Variants in EVC2 observed in about 807,000 individuals in gnomAD.
The protein encoded by EVC2 is limbin.
A neutral mutation model predicts 149.3 loss-of-function variants in EVC2; 148 were observed. The ratio of observed to expected loss-of-function variants is 0.99; its 90% CI spans 0.87 to 1.14. The LOEUF (loss-of-function observed/expected upper bound fraction) is 1.14, where lower values mean the gene tolerates loss of function less well. Among genes scored for constraint, EVC2 ranks in the 50% most tolerant of loss-of-function variants. EVC2 has a pLI of 0.00. For missense variants in EVC2, 1,854 were observed against 1,627.3 expected (o/e 1.14, Z -2.40); for synonymous variants, 776 against 649.9 (o/e 1.19, Z -2.95).
intron 16 of EVC2, among the ~76,000 whole-genome samples, chr4:5,594,764 A>G (rs571927111): frequency 2.6e-5 from 4 of 152,206 alleles, no homozygotes; most frequent in African/African-American, 9.7e-5. Context: ...AGACGATCAA[A>G]CTACTCCAAG....
chr4:5,628,276 G>A (rs141776102), intron 12 of EVC2, among the ~76,000 whole-genome samples: 98 of 151,984 alleles, frequency 6.4e-4, no homozygotes, highest in African/African-American at 2.2e-3. Flanking sequence ...TAGGTCATGA[G>A]GGATCCACCC....
At chr4:5,610,794 C>CTTTTTTTTT (rs10690279) in intron 16 of EVC2, among the ~76,000 whole-genome samples, 6 of 126,500 alleles carry the variant, frequency 4.7e-5, no homozygotes, top group African/African-American at 9.2e-5. Flanking sequence ...TTTTCCTTTT[C>CTTTTTTTTT]TTTTTTTTTT....
At chr4:5,638,152 G>A (rs941897960) in intron 10 of EVC2, among the ~76,000 whole-genome samples, 3 of 152,088 alleles carry the variant, frequency 2.0e-5, no homozygotes, top group Non-Finnish European at 4.4e-5. Context: ...ACTTTGGGAG[G>A]CCAAGGTGGG....
chr4:5,661,426 G>A (rs1408207821), intron 9 of EVC2, among the ~76,000 whole-genome samples: 3 of 152,114 alleles, frequency 2.0e-5, no homozygotes. Flanking sequence ...CCTATACAAT[G>A]TCTAGCACAT....
intron 17 of EVC2, among the ~76,000 whole-genome samples, chr4:5,580,567 C>G (rs1711668132): frequency 6.6e-6 from 1 of 152,200 alleles, no homozygotes; most frequent in African/African-American, 2.4e-5. Context: ...GAATCATGCA[C>G]TGGAGGCTAA....
intron 9 of EVC2, among the ~76,000 whole-genome samples, chr4:5,642,319 T>C (rs377336819): frequency 7.2e-5 from 11 of 152,340 alleles, no homozygotes; most frequent in South Asian, 2.1e-4. Context: ...TTTCTATGCA[T>C]ATTTTTTTCA....
Position 5,620,237 on chromosome 4 carries a change from C to T in EVC2, c.2502-1555G>A, listed in dbSNP as rs1237928060. ...TGCAAGGCCTTTGCCCCGCTGTTTG[C>T]TGATTACGCCGAATCCAAAGTGAAA... On this transcript the variant is annotated intron_variant, in intron 14 of 21. Coordinates refer to ENST00000344408, the MANE Select transcript of EVC2 (RefSeq NM_147127.5). Among the ~76,000 whole-genome samples, 3 of 152,202 alleles carry T rather than the reference C, an allele frequency of 2.0e-5. No individual in the cohort carries two copies. In the East Asian group the frequency reaches 5.8e-4, roughly 29 times the overall value.
intron 16 of EVC2, among the ~76,000 whole-genome samples, chr4:5,594,023 T>C (rs13139999): frequency 0.33 from 49,770 of 151,566 alleles, 9,216 homozygotes; most frequent in South Asian, 0.45. Flanking sequence ...GGGGGAGGGG[T>C]GCCCGCCATT....
chr4:5,651,314 A>G (rs1718129587), intron 9 of EVC2, among the ~76,000 whole-genome samples: 1 of 151,718 alleles, frequency 6.6e-6, no homozygotes, highest in Non-Finnish European at 1.5e-5. Flanking sequence ...TGAATGGGCA[A>G]ATTGATAGAT....
intron 19 of EVC2, among the ~76,000 whole-genome samples, chr4:5,571,907 G>A (rs1722666886): frequency 6.6e-6 from 1 of 152,270 alleles, no homozygotes; most frequent in African/African-American, 2.4e-5. Context: ...GAACAAGAAG[G>A]CTGACCAGTC....
chr4:5,709,438 G>A (rs151038708), upstream of EVC2: 6 of 152,336 alleles, frequency 3.9e-5, no homozygotes, highest in African/African-American at 9.6e-5. Flanking sequence ...TCAGGCCAGC[G>A]AGCCTGGCCC....
chr4:5,600,705 T>A (rs1713905462), intron 16 of EVC2, among the ~76,000 whole-genome samples: 1 of 152,162 alleles, frequency 6.6e-6, no homozygotes, highest in African/African-American at 2.4e-5. Flanking sequence ...CCTTCCCAAG[T>A]CACAGAAAAT....
chr4:5,706,175 T>C (rs1432749559), intron 1 of EVC2, among the ~76,000 whole-genome samples: 1 of 151,554 alleles, frequency 6.6e-6, no homozygotes, highest in Non-Finnish European at 1.5e-5. Flanking sequence ...ATGACCTCCT[T>C]CCTCCACCCT....
Position 5,615,365 on chromosome 4 carries a change from T to C in EVC2, c.2829+57A>G, listed in dbSNP as rs1409334206. ...TGTGTGCCTGCAAATGTGTCAGCTA[T>C]CAGAGCAGCCCCGCCATGTGCAGAG... On this transcript the variant is annotated intron_variant, in intron 16 of 21. Coordinates refer to ENST00000344408, the MANE Select transcript of EVC2 (RefSeq NM_147127.5). 3 of 1,612,488 alleles carry C rather than the reference T, an allele frequency of 1.9e-6. No individual in the cohort carries two copies. In the African/African-American group the frequency reaches 4.0e-5, roughly 22 times the overall value.
chr4:5,555,021 T>G (rs1449645099), intron 21 of EVC2, among the ~76,000 whole-genome samples: 1 of 55,102 alleles, frequency 1.8e-5, no homozygotes, highest in Non-Finnish European at 3.2e-5. Context: ...AGGAAGCGTG[T>G]GTGTGTGTGT....
At position 5,708,524 on chromosome 4, in the gene EVC2, G is replaced by A. The variant is rs919012519; in HGVS notation, c.-11C>T. 1 of 1,446,334 alleles carries A rather than the reference G, an allele frequency of 6.9e-7. No homozygotes were observed. The highest frequency in any genetic ancestry group is 2.9e-5 in the East Asian group (1 of 34,110). The allele number at this position is 1,446,334 out of a possible 1,614,324, so 89.6% of individuals were successfully genotyped here. A position where few individuals can be genotyped will look rare whatever the true frequency, so the allele number is the denominator to read the frequency against. On this transcript the variant is annotated 5_prime_UTR_variant, in exon 1 of 22. Transcript: ENST00000344408. ...GCCCGAGGGGTCCATCGCCTGTCGG[G>A]ACCCGCTACCTCAAAGCGGCGGGTG...
chr4:5,665,239 G>A (rs754033184), intron 8 of EVC2, among the ~76,000 whole-genome samples: 4 of 152,108 alleles, frequency 2.6e-5, no homozygotes, highest in Non-Finnish European at 4.4e-5. Context: ...AAGCCCAGGA[G>A]TTCCAAGTTG....
chr4:5,534,059 T>C, the EVC2 span, among the ~76,000 whole-genome samples: 2 of 152,138 alleles, frequency 1.3e-5, no homozygotes, highest in Non-Finnish European at 2.9e-5. Context: ...TTAAGAGCGA[T>C]GAGGAGGCAC....
Position 5,618,412 on chromosome 4 carries a change from C to T in EVC2, c.2706+66G>A. ...GCTCAGGCTGGGGAAGAGGCCAGAC[C>T]CTGTAGGGCCAGCAGCTGGGAGACG... On this transcript the variant is annotated intron_variant, in intron 15 of 21. Transcript: ENST00000344408. This position sits in a 1 kb window ranked among gnomAD's most constrained non-coding sequence, Gnocchi z 4.4. 6.3e-7 allele frequency: 1 copy of T among 1,591,292 alleles called. No homozygotes were observed. The highest frequency in any genetic ancestry group is 1.7e-5 in the Admixed American group (1 of 59,652).
Sources: gnomAD v4.1 joint callset for allele counts (sites outside exome capture counted in the v4.1 genomes callset) on GRCh38, gnomAD v4.1.1 for gene constraint, Gnocchi (gnomAD v3.1) non-coding constraint, MANE v1.5 for transcripts, NCBI Gene and HGNC (gene_info 2026-07-23, HGNC 2026-07-21) for gene names.